MECOM: variants seen among roughly 807,000 people sequenced by gnomAD.
MECOM encodes the protein MDS1 and EVI1 complex locus, also known as histone-lysine N-methyltransferase MECOM.
A neutral mutation model predicts 116.3 loss-of-function variants in MECOM; 13 were observed. The ratio of observed to expected loss-of-function variants is 0.11; its 90% CI spans 0.07 to 0.18. The LOEUF (loss-of-function observed/expected upper bound fraction) is 0.18. MECOM is among the 10% of genes least tolerant of loss of function. The pLI, the probability that MECOM is intolerant of heterozygous loss-of-function variation, is 1.00. For synonymous variants in MECOM, 528 were observed against 535.2 expected, an observed-to-expected ratio of 0.99 and a Z score of 0.19; for missense variants, 1,299 against 1,509.0, an observed-to-expected ratio of 0.86 and a Z score of 2.31.
intron 2 of MECOM, among the ~76,000 whole-genome samples, chr3:169,375,937 A>C (rs189137599): frequency 6.6e-6 from 1 of 152,340 alleles, no homozygotes; most frequent in East Asian, 1.9e-4. Flanking sequence ...TCAATAAAAT[A>C]CCGGCAAATT....
intron 2 of MECOM, among the ~76,000 whole-genome samples, chr3:169,237,821 T>C (rs977787552): frequency 5.3e-5 from 8 of 152,100 alleles, no homozygotes; most frequent in African/African-American, 1.9e-4. Flanking sequence ...ATTTAAAATT[T>C]ATCCTGGATT....
intron 1 of MECOM, among the ~76,000 whole-genome samples, chr3:169,471,910 T>C (rs1749312058): frequency 6.6e-6 from 1 of 152,216 alleles, no homozygotes; most frequent in South Asian, 2.1e-4. Flanking sequence ...CCCCCTTCAT[T>C]TTAGCAACCA....
intron 5 of MECOM, among the ~76,000 whole-genome samples, chr3:169,123,603 C>T (rs779778569): frequency 4.0e-5 from 6 of 151,838 alleles, no homozygotes; most frequent in Non-Finnish European, 5.9e-5. Context: ...TCTGCAACAC[C>T]TTTATTGATT....
intron 1 of MECOM, among the ~76,000 whole-genome samples, chr3:169,625,989 T>C (rs1771324224): frequency 6.6e-6 from 1 of 152,254 alleles, no homozygotes; most frequent in Non-Finnish European, 1.5e-5. Context: ...ATTTGGTATG[T>C]AACTTCTTAT....
At chr3:169,349,495 T>C (rs903763617) in intron 2 of MECOM, among the ~76,000 whole-genome samples, 1 of 151,944 alleles carries the variant, frequency 6.6e-6, no homozygotes, top group Non-Finnish European at 1.5e-5. Flanking sequence ...TTCACATGTT[T>C]AATTTTCACA....
chr3:169,468,025 C>T (rs1748588903), intron 1 of MECOM, among the ~76,000 whole-genome samples: 1 of 152,162 alleles, frequency 6.6e-6, no homozygotes, highest in South Asian at 2.1e-4. Context: ...CTTTTTATGT[C>T]AAGTCATTTT....
At chr3:169,466,458 TG>T (rs138289877) in intron 1 of MECOM, among the ~76,000 whole-genome samples, 1,899 of 152,290 alleles carry the variant, frequency 0.012, 13 homozygotes, top group Non-Finnish European at 0.02. Flanking sequence ...TATTGATTTT[TG>T]GTCCATTCTC....
chr3:169,375,807 A>G (rs2108226504), intron 2 of MECOM, among the ~76,000 whole-genome samples: 1 of 152,170 alleles, frequency 6.6e-6, no homozygotes, highest in South Asian at 2.1e-4. Context: ...GAAAAAGTGG[A>G]ACTCCTCCCT....
At chr3:169,453,703 C>CT in intron 1 of MECOM, among the ~76,000 whole-genome samples, 1 of 152,264 alleles carries the variant, frequency 6.6e-6, no homozygotes, top group East Asian at 1.9e-4. Flanking sequence ...TGTCTCTATT[C>CT]TTTTTATTTA....
At chr3:169,593,660 C>T (rs531005183) in intron 1 of MECOM, among the ~76,000 whole-genome samples, 1 of 152,232 alleles carries the variant, frequency 6.6e-6, no homozygotes, top group East Asian at 1.9e-4. Context: ...AGCTGAGAAC[C>T]ACTGGCTCTA....
In MECOM at chr3:169,122,737, G is replaced by A; in HGVS notation, c.831-10C>T. 1 of 1,611,302 alleles carries A rather than the reference G, an allele frequency of 6.2e-7. No individual in the cohort carries two copies. The highest frequency in any genetic ancestry group is 1.1e-5 in the South Asian group (1 of 90,654). ...CATGTGTTTCTCCAGGCTGTTAAGA[G>A]AACAATAGATTTTAAAAGACAAAGG... On this transcript the variant is annotated splice_polypyrimidine_tract_variant and intron_variant, in intron 5 of 16. Transcript: ENST00000651503.
chr3:169,110,195 C>T (rs573080227), intron 9 of MECOM, among the ~76,000 whole-genome samples: 1 of 152,210 alleles, frequency 6.6e-6, no homozygotes, highest in South Asian at 2.1e-4. Flanking sequence ...GATCTGTGCC[C>T]CCCTTACTTC....
chr3:169,553,708 G>A (rs1761678087), intron 1 of MECOM, among the ~76,000 whole-genome samples: 1 of 152,178 alleles, frequency 6.6e-6, no homozygotes, highest in Admixed American at 6.5e-5. Context: ...CAGGTTTGGT[G>A]TCTCCTGCGG....
chr3:169,159,190 AC>A (rs1319754675), intron 2 of MECOM, among the ~76,000 whole-genome samples: 1 of 152,108 alleles, frequency 6.6e-6, no homozygotes, highest in Non-Finnish European at 1.5e-5. Flanking sequence ...CTGATGTTAC[AC>A]CCTTGAGGGA....
intron 1 of MECOM, among the ~76,000 whole-genome samples, chr3:169,609,013 T>C (rs1455275063): frequency 6.6e-6 from 1 of 152,170 alleles, no homozygotes; most frequent in South Asian, 2.1e-4. Context: ...AGTTGCACTA[T>C]ATTAAGTTCA....
intron 4 of MECOM, among the ~76,000 whole-genome samples, chr3:169,130,083 T>G (rs1734166945): frequency 1.3e-5 from 2 of 152,140 alleles, no homozygotes; most frequent in South Asian, 4.1e-4. Flanking sequence ...CATGATATGT[T>G]GAAAACAAGA....
intron 2 of MECOM, among the ~76,000 whole-genome samples, chr3:169,263,317 A>G (rs932043905): frequency 4.0e-5 from 6 of 150,980 alleles, no homozygotes; most frequent in Admixed American, 6.6e-5. Context: ...TTTAGTAGAC[A>G]CGGGGTTTCA....
At chr3:169,182,935 G>A (rs535037556) in intron 2 of MECOM, among the ~76,000 whole-genome samples, 1 of 152,276 alleles carries the variant, frequency 6.6e-6, no homozygotes, top group South Asian at 2.1e-4. Flanking sequence ...GCAGAAAGTG[G>A]AGTCGAGGTC....
chr3:169,133,110 TACACACAC>T (rs112130257), intron 3 of MECOM, among the ~76,000 whole-genome samples: 2 of 147,290 alleles, frequency 1.4e-5, no homozygotes, highest in African/African-American at 2.5e-5. Flanking sequence ...GCAAAACACA[TACACACAC>T]ACACACACAC....
Sources: gnomAD v4.1 joint callset for allele counts (sites outside exome capture counted in the v4.1 genomes callset) on GRCh38, gnomAD v4.1.1 for gene constraint, MANE v1.5 for transcripts, NCBI Gene and HGNC (gene_info 2026-07-23, HGNC 2026-07-21) for gene names.